Variants in PPP1R8 observed in about 807,000 individuals in gnomAD.
PPP1R8 encodes nuclear inhibitor of protein phosphatase 1.
PPP1R8 carries 4 observed loss-of-function variants against 31.3 expected under a neutral mutation model. That is an observed-to-expected ratio of 0.13 (90% CI 0.06 to 0.29). PPP1R8 has a LOEUF of 0.29. PPP1R8 is among the 10% of genes least tolerant of loss of function. The pLI is 1.00. For missense variants in PPP1R8, 254 were observed against 440.1 expected, an observed-to-expected ratio of 0.58 and a Z score of 3.78; for synonymous variants, 170 against 169.7, an observed-to-expected ratio of 1.00 and a Z score of -0.01.
chr1:27,844,730 G>A (rs1245744836), intron 5 of PPP1R8, among the ~76,000 whole-genome samples: 2 of 85,458 alleles, frequency 2.3e-5, no homozygotes, highest in Non-Finnish European at 4.0e-5. Flanking sequence ...TTTTTTTTGA[G>A]ACAGAGTCTC....
intron 5 of PPP1R8, among the ~76,000 whole-genome samples, chr1:27,843,851 G>A (rs2089246192): frequency 1.3e-5 from 2 of 152,272 alleles, no homozygotes; most frequent in South Asian, 4.1e-4. Context: ...TACTCAGGAA[G>A]CTGAGGCAGG....
intron 4 of PPP1R8, 102 bp from the exon 5 acceptor site, chr1:27,843,084 A>G (rs1458645896): frequency 1.4e-6 from 2 of 1,401,302 alleles, no homozygotes; most frequent in Admixed American, 1.9e-5. Context: ...TTGGAGGTCA[A>G]GATTAGCCCC....
chr1:27,844,884 A>ATTTTTTTTT (rs765514573), intron 5 of PPP1R8, among the ~76,000 whole-genome samples: 5 of 72,374 alleles, frequency 6.9e-5, no homozygotes, highest in African/African-American at 5.1e-4. Context: ...TGCCCGACTA[A>ATTTTTTTTT]TTTTTTTTTT....
Position 27,851,241 on chromosome 1 carries a change from G to A in PPP1R8, c.*795G>A, listed in dbSNP as rs1016199557. 3.1e-5 allele frequency: 9 copies of A among 289,024 alleles called. No individual in the cohort carries two copies. Among genetic ancestry groups the A allele is most frequent in the Admixed American group, 8.8e-5 (2 of 22,714 alleles). 17.9% of individuals were successfully genotyped at this position (289,024 alleles called of 1,614,324 possible). ...GTTTTCAAAGGATATGACCAGTTGGGGTAATTCAAATTAAAAAGGAAAAGA... is the reference window on the plus strand; with the variant it reads ...GTTTTCAAAGGATATGACCAGTTGGAGTAATTCAAATTAAAAAGGAAAAGA... On this transcript the variant is annotated 3_prime_UTR_variant, in exon 7 of 7. Transcript: ENST00000311772.
At position 27,850,334 on chromosome 1, in the gene PPP1R8, C is replaced by G; in HGVS notation, c.944C>G (p.Pro315Arg). 1 of 1,614,206 alleles carries G rather than the reference C, an allele frequency of 6.2e-7. No individual in the cohort carries two copies. Among genetic ancestry groups the G allele is most frequent in the Non-Finnish European group, 8.5e-7 (1 of 1,180,040 alleles). Residue 315 changes from proline (P) to arginine (R), a missense_variant, in exon 7 of 7, where the codon CCT becomes CGT. Physicochemically the swap from Pro to Arg is moderately radical, Grantham distance 103. Coordinates refer to ENST00000311772, the MANE Select transcript of PPP1R8 (RefSeq NM_014110.5). Reference sequence around the variant, plus strand: ...GTGCCGTCAGCAGTGAACATGAACCCTGCACCAAACCCTGCAGTCTATAAC... The same window carrying G: ...GTGCCGTCAGCAGTGAACATGAACCGTGCACCAAACCCTGCAGTCTATAAC... Reference protein sequence around the residue: ...PVVPSAVNMNPAPNPAVYNPE... With the variant: ...PVVPSAVNMNRAPNPAVYNPE...
At chr1:27,843,044 T>C in intron 4 of PPP1R8, 142 bp from the exon 5 acceptor site, 1 of 903,854 alleles carries the variant, frequency 1.1e-6, no homozygotes, top group Non-Finnish European at 1.7e-6. Context: ...GTATGAATCT[T>C]CTCTAAATGC....
At chr1:27,850,034 G>A (rs2089325390) in intron 6 of PPP1R8, 59 bp from the exon 7 acceptor site, 1 of 1,457,128 alleles carries the variant, frequency 6.9e-7, no homozygotes, top group Admixed American at 2.3e-5. Flanking sequence ...AACCACTCTT[G>A]GGCCTCACCT....
At position 27,851,598 on chromosome 1, in the gene PPP1R8, G is replaced by A. The variant is rs770958508; in HGVS notation, c.*1152G>A. 1 of 510,164 alleles carries A rather than the reference G, an allele frequency of 2.0e-6. No individual in the cohort carries two copies. The highest frequency in any genetic ancestry group is 3.9e-6 in the Non-Finnish European group (1 of 255,568). 31.6% of individuals were successfully genotyped at this position (510,164 alleles called of 1,614,324 possible). A position where few individuals can be genotyped will look rare whatever the true frequency, so the allele number is the denominator to read the frequency against. The stretch of plus-strand genomic sequence containing the variant: ...CTGCCATCTGGAAATGTTTGCTAAA[G>A]GCACAGTCACTGGGCTTGGGAGGCA... On this transcript the variant is annotated 3_prime_UTR_variant, in exon 7 of 7. Transcript: ENST00000311772.
intron 4 of PPP1R8, 45 bp downstream of exon 4, chr1:27,841,279 T>G (rs774299440): frequency 1.3e-6 from 2 of 1,596,824 alleles, no homozygotes; most frequent in South Asian, 2.2e-5. Context: ...GGGACCCTGG[T>G]TTTTGGAGTA....
At chr1:27,831,936 T>G (rs1156351905) in intron 1 of PPP1R8, among the ~76,000 whole-genome samples, 3 of 152,232 alleles carry the variant, frequency 2.0e-5, no homozygotes, top group Non-Finnish European at 2.9e-5. Context: ...AGCAAATGTG[T>G]GGCTATTTTC....
rs2089338711 is a variant in PPP1R8 at position 27,850,998 on chromosome 1, C to T, written c.*552C>T. ...TTTGAGGTCCAGTAGCTAGGCTTTT[C>T]TCTTTTGTCCTTCCTGTTGGAATGA... On this transcript the variant is annotated 3_prime_UTR_variant, in exon 7 of 7. Transcript: ENST00000311772. The T allele has an allele frequency of 6.5e-6, 1 of 153,820 alleles. No individual in the cohort carries two copies. The highest frequency in any genetic ancestry group is 2.4e-5 in the African/African-American group (1 of 41,464). 9.5% of individuals were successfully genotyped at this position (153,820 alleles called of 1,614,324 possible).
intron 2 of PPP1R8, among the ~76,000 whole-genome samples, chr1:27,835,625 ATTGT>A (rs1265854518): frequency 6.6e-6 from 1 of 152,242 alleles, no homozygotes; most frequent in Non-Finnish European, 1.5e-5. Flanking sequence ...TGGCTAAGTG[ATTGT>A]TTAAGGAAAA....
intron 5 of PPP1R8, 122 bp from the exon 6 acceptor site, chr1:27,846,906 G>A: frequency 1.3e-6 from 1 of 798,206 alleles, no homozygotes. Flanking sequence ...CACCCAGGAA[G>A]CACTCTCTGT....
At chr1:27,835,176 AT>A (rs1377778270) in intron 2 of PPP1R8, among the ~76,000 whole-genome samples, 1 of 151,922 alleles carries the variant, frequency 6.6e-6, no homozygotes, top group Non-Finnish European at 1.5e-5. Flanking sequence ...AAATTTAGTC[AT>A]TGTTATTTTA....
Position 27,850,123 on chromosome 1 carries a change from G to T in PPP1R8, c.733G>T (p.Gly245Cys). The change falls in exon 7 of 7, where the codon GGC (glycine) becomes TGC (cysteine). Residue 245 changes from glycine (G) to cysteine (C), a missense_variant. Transcript: ENST00000311772. ...KKRVEGPGSL[G>C]LEESGSRRMQ... ...GCGTGTGGAGGGCCCTGGCTCCCTG[G>T]GCCTGGAGGAATCAGGGAGCAGGCG... The T allele has an allele frequency of 3.1e-6, 5 of 1,597,494 alleles. No homozygotes were observed. Among genetic ancestry groups the T allele is most frequent in the Non-Finnish European group, 4.3e-6 (5 of 1,169,768 alleles).
intron 5 of PPP1R8, among the ~76,000 whole-genome samples, chr1:27,845,783 C>T (rs370850389): frequency 4.2e-4 from 39 of 91,818 alleles, no homozygotes; most frequent in African/African-American, 1.7e-3. Flanking sequence ...TTCTTTCTTT[C>T]TTTTTTTTTT....
intron 2 of PPP1R8, among the ~76,000 whole-genome samples, chr1:27,836,994 T>A (rs1258139267): frequency 6.6e-6 from 1 of 152,170 alleles, no homozygotes; most frequent in Non-Finnish European, 1.5e-5. Context: ...TGAGAAGCAA[T>A]CTTATTACAA....
chr1:27,844,093 C>T (rs2089249201), intron 5 of PPP1R8, among the ~76,000 whole-genome samples: 1 of 152,140 alleles, frequency 6.6e-6, no homozygotes, highest in South Asian at 2.1e-4. Context: ...GCCTTGACCA[C>T]CCAGGCTCAG....
At chr1:27,847,367 C>T (rs184005263) in intron 6 of PPP1R8, among the ~76,000 whole-genome samples, 1 of 151,768 alleles carries the variant, frequency 6.6e-6, no homozygotes. Context: ...ATTAGCCAGG[C>T]GTGGTGGTAG....
Sources: gnomAD v4.1 joint callset for allele counts (sites outside exome capture counted in the v4.1 genomes callset) on GRCh38, gnomAD v4.1.1 for gene constraint, MANE v1.5 for transcripts, NCBI Gene and HGNC (gene_info 2026-07-23, HGNC 2026-07-21) for gene names.